The following CACUL1 variants were observed in gnomAD, a reference collection of about 807,000 sequenced individuals.
The protein encoded by CACUL1 is CDK2-associated and cullin domain-containing protein 1.
A neutral mutation model predicts 45.2 loss-of-function variants in CACUL1; 13 were observed. The ratio of observed to expected loss-of-function variants is 0.29; its 90% CI spans 0.19 to 0.46. CACUL1 has a LOEUF of 0.46. CACUL1 is among the 20% of genes least tolerant of loss of function. The pLI is 1.00. For synonymous variants in CACUL1, 197 were observed against 174.2 expected, an observed-to-expected ratio of 1.13 and a Z score of -1.03; for missense variants, 421 against 471.4, an observed-to-expected ratio of 0.89 and a Z score of 0.99.
chr10:118,742,654 C>A (rs1238677156), intron 1 of CACUL1, among the ~76,000 whole-genome samples: 5 of 152,030 alleles, frequency 3.3e-5, no homozygotes. Flanking sequence ...CTTACACACC[C>A]CCCTCCCAAC....
intron 4 of CACUL1, 79 bp downstream of exon 4, chr10:118,707,413 A>G (rs1235664811): frequency 3.1e-6 from 2 of 645,190 alleles, no homozygotes; most frequent in Admixed American, 2.8e-5. Context: ...AAAACAGAAT[A>G]TGCTTAACTC....
intron 3 of CACUL1, among the ~76,000 whole-genome samples, chr10:118,727,643 G>C (rs554354292): frequency 3.9e-5 from 6 of 152,282 alleles, no homozygotes; most frequent in Middle Eastern, 3.4e-3. Context: ...TTACAAGACT[G>C]ACTATTCACT....
At chr10:118,701,073 A>G (rs1322183504) in intron 5 of CACUL1, among the ~76,000 whole-genome samples, 1 of 152,180 alleles carries the variant, frequency 6.6e-6, no homozygotes, top group East Asian at 1.9e-4. Context: ...TTCTCAGGGC[A>G]GACACAAGGG....
At position 118,754,663 on chromosome 10, in the gene CACUL1, G is replaced by T. The variant is rs751539593; in HGVS notation, c.100C>A (p.Gln34Lys). The T allele has an allele frequency of 5.6e-6, 9 of 1,607,586 alleles. No individual in the cohort carries two copies. Among genetic ancestry groups the T allele is most frequent in the Non-Finnish European group, 7.6e-6 (9 of 1,177,536 alleles). ...GGGGGCGGCGGAGGTGGCAGGGGCTGCCGGAAGCCGTCCACCGCAGCCTCC... is the reference window on the plus strand; with the variant it reads ...GGGGGCGGCGGAGGTGGCAGGGGCTTCCGGAAGCCGTCCACCGCAGCCTCC... Reference protein sequence around the residue: ...NWEAAVDGFRQPLPPPPPPSS... With the variant: ...NWEAAVDGFRKPLPPPPPPSS... Residue 34 changes from glutamine to lysine, a missense_variant, in exon 1 of 9, where the codon CAG becomes AAG. Physicochemically the swap from Gln to Lys is moderately conservative, Grantham distance 53. This residue lies in a region of CACUL1 where 213 missense variants were observed against 173.1 expected (regional missense o/e 1.23). Coordinates refer to ENST00000369151, the MANE Select transcript of CACUL1 (RefSeq NM_153810.5).
At chr10:118,686,775 A>G in intron 7 of CACUL1, 134 bp from the exon 8 acceptor site, 2 of 669,802 alleles carry the variant, frequency 3.0e-6, no homozygotes, top group Non-Finnish European at 5.4e-6. Flanking sequence ...CATATTAAAC[A>G]TCTTAGAATC....
In CACUL1 at chr10:118,682,270, A is replaced by C. The variant is rs1358417286; in HGVS notation, c.*3858T>G. The C allele has an allele frequency of 2.0e-5, 3 of 152,216 alleles. No homozygotes were observed. The highest frequency in any genetic ancestry group is 7.2e-5 in the African/African-American group (3 of 41,458). 9.4% of individuals were successfully genotyped at this position (152,216 alleles called of 1,614,324 possible). ...TAGTTGCAAAGCTTTTCAGTATCTC[A>C]GATTAGTGTATGTTCATAAAACAAT... is the stretch of plus-strand genomic sequence containing the variant. On this transcript the variant is annotated 3_prime_UTR_variant, in exon 9 of 9. Transcript: ENST00000369151.
rs1554893676 is a variant in CACUL1, at chr10:118,685,350, C to CGTGACAGACATCGTGT, written c.*777_*778insACACGATGTCTGTCAC. 2 of 152,580 alleles carry CGTGACAGACATCGTGT rather than the reference C, an allele frequency of 1.3e-5. No homozygotes were observed. The highest frequency in any genetic ancestry group is 2.1e-4 in the South Asian group (1 of 4,820). 9.5% of individuals were successfully genotyped at this position (152,580 alleles called of 1,614,324 possible). On this transcript the variant is annotated 3_prime_UTR_variant, in exon 9 of 9. Transcript: ENST00000369151. Reference sequence around the variant, plus strand: ...GGTCCCCAACATTAATATGAATATGCTCTGGTGAACCAGGGGAAAATCCGA... The same window carrying CGTGACAGACATCGTGT: ...GGTCCCCAACATTAATATGAATATGCGTGACAGACATCGTGTTCTGGTGAACCAGGGGAAAATCCGA...
Position 118,723,202 on chromosome 10 carries a change from T to A in CACUL1, c.597+6093A>T, listed in dbSNP as rs183367506. On this transcript the variant is annotated intron_variant, in intron 3 of 8. Coordinates refer to ENST00000369151, the MANE Select transcript of CACUL1 (RefSeq NM_153810.5). ...TACTTTTAAAAAATCCTTTCTTGAT[T>A]TCTTTATTTTAAAATTATTCCATTT... Among the ~76,000 whole-genome samples the A allele has an allele frequency of 2.7e-3, 415 of 152,162 alleles. 2 individuals carry two copies. Among genetic ancestry groups the A allele is most frequent in the African/African-American group, 9.7e-3 (401 of 41,444 alleles).
intron 7 of CACUL1, among the ~76,000 whole-genome samples, chr10:118,687,578 A>C (rs1481706011): frequency 6.6e-6 from 1 of 152,200 alleles, no homozygotes; most frequent in Non-Finnish European, 1.5e-5. Flanking sequence ...TTATCAACCC[A>C]GATGAGAGCC....
At chr10:118,712,533 A>G (rs1221236367) in intron 3 of CACUL1, among the ~76,000 whole-genome samples, 1 of 152,232 alleles carries the variant, frequency 6.6e-6, no homozygotes, top group Non-Finnish European at 1.5e-5. Flanking sequence ...TCCTGTGACC[A>G]GAAGAAAAGG....
intron 5 of CACUL1, among the ~76,000 whole-genome samples, chr10:118,695,947 C>G (rs1167711599): frequency 1.3e-5 from 2 of 152,144 alleles, no homozygotes; most frequent in Non-Finnish European, 2.9e-5. Flanking sequence ...TAATTTATCT[C>G]AAAGAGCTGC....
intron 6 of CACUL1, 134 bp from the exon 7 acceptor site, chr10:118,691,537 T>G (rs2119551445): frequency 2.6e-6 from 2 of 766,098 alleles, no homozygotes; most frequent in Middle Eastern, 7.5e-4. Context: ...AATCCCATTC[T>G]GGTAAAGAAC....
intron 1 of CACUL1, among the ~76,000 whole-genome samples, chr10:118,736,696 G>T (rs1845743671): frequency 1.3e-5 from 2 of 152,086 alleles, no homozygotes; most frequent in Non-Finnish European, 2.9e-5. Flanking sequence ...TGTTTTTAAA[G>T]TCTAGAGCAA....
In CACUL1 at chr10:118,701,393, C is replaced by T. The variant is rs746314775; in HGVS notation, c.709G>A (p.Glu237Lys). 6.5e-7 allele frequency: 1 copy of T among 1,540,994 alleles called. No homozygotes were observed. The highest frequency in any genetic ancestry group is 1.8e-5 in the Admixed American group (1 of 56,506). ...LFIYMNKFYI[E>K]TKLNRDLKDD... is the part of the protein sequence containing the mutation. ...TTTAAGTCTCTGTTAAGCTTGGTTTCGATGTAAAACTTATTCTGAAAAATA... is the reference window on the plus strand; with the variant it reads ...TTTAAGTCTCTGTTAAGCTTGGTTTTGATGTAAAACTTATTCTGAAAAATA... Residue 237 changes from glutamate to lysine, a missense_variant, in exon 5 of 9, where the codon GAA (glutamate) becomes AAA (lysine). Around this residue, in one of 2 missense-constraint regions of CACUL1, gnomAD observed 208 missense variants for 298.4 expected, o/e 0.70. Coordinates refer to ENST00000369151, the MANE Select transcript of CACUL1 (RefSeq NM_153810.5).
At chr10:118,716,294 A>G (rs1845544109) in intron 3 of CACUL1, among the ~76,000 whole-genome samples, 1 of 139,224 alleles carries the variant, frequency 7.2e-6, no homozygotes, top group African/African-American at 2.6e-5. Flanking sequence ...GAAAATTATT[A>G]CCATTTTGGT....
chr10:118,754,659 G>A lies in CACUL1; in HGVS notation c.104C>T (p.Pro35Leu), dbSNP rs763901135. The A allele has an allele frequency of 6.2e-7, 1 of 1,607,366 alleles. No homozygotes were observed. Among genetic ancestry groups the A allele is most frequent in the Non-Finnish European group, 8.5e-7 (1 of 1,177,492 alleles). ...CGAGGGGGGCGGCGGAGGTGGCAGG[G>A]GCTGCCGGAAGCCGTCCACCGCAGC... ...WEAAVDGFRQ[P>L]LPPPPPPSSI... Residue 35 changes from proline to leucine, a missense_variant, in exon 1 of 9, where the codon CCC becomes CTC. Around this residue, in one of 2 missense-constraint regions of CACUL1, gnomAD observed 213 missense variants for 173.1 expected, o/e 1.23. Coordinates refer to ENST00000369151, the MANE Select transcript of CACUL1 (RefSeq NM_153810.5).
At chr10:118,714,928 G>A (rs746850187) in intron 3 of CACUL1, among the ~76,000 whole-genome samples, 2 of 152,090 alleles carry the variant, frequency 1.3e-5, no homozygotes, top group Admixed American at 6.5e-5. Context: ...GGGACCCTCC[G>A]AAGTCCTCAA....
chr10:118,726,175 C>T (rs1308887187), intron 3 of CACUL1: 10 of 389,640 alleles, frequency 2.6e-5, no homozygotes, highest in Middle Eastern at 3.7e-4. Context: ...AGCCTGGCAC[C>T]GTCTCTTGAT....
At chr10:118,730,078 G>A (rs1398053106) in intron 2 of CACUL1, among the ~76,000 whole-genome samples, 1 of 152,110 alleles carries the variant, frequency 6.6e-6, no homozygotes, top group Non-Finnish European at 1.5e-5. Context: ...GGTGGAGGTG[G>A]CAGGCTTCCT....
Sources: gnomAD v4.1 joint callset for allele counts (sites outside exome capture counted in the v4.1 genomes callset) on GRCh38, gnomAD v4.1.1 for gene constraint, gnomAD v4.1.1 regional missense constraint, MANE v1.5 for transcripts, NCBI Gene and HGNC (gene_info 2026-07-23, HGNC 2026-07-21) for gene names.